Variants in AGBL1 observed in about 807,000 individuals in gnomAD.
AGBL1 encodes the protein cytosolic carboxypeptidase 4.
A neutral mutation model predicts 118.9 loss-of-function variants in AGBL1; 130 were observed. The observed-to-expected ratio is 1.09, with a 90% CI of 0.95 to 1.26. AGBL1 has a LOEUF of 1.26. AGBL1 is among the 50% of genes most tolerant of loss of function. The pLI, the probability that AGBL1 is intolerant of heterozygous loss-of-function variation, is 0.00. For synonymous variants in AGBL1, 555 were observed against 478.9 expected (o/e 1.16, Z -2.08); for missense variants, 1,584 against 1,298.1 (o/e 1.22, Z -3.38).
At chr15:86,951,260 A>G (rs1472015118) in intron 23 of AGBL1, among the ~76,000 whole-genome samples, 2 of 152,200 alleles carry the variant, frequency 1.3e-5, no homozygotes, top group Non-Finnish European at 2.9e-5. Flanking sequence ...ACCACCTGAT[A>G]AATATGTTGG....
intron 17 of AGBL1, among the ~76,000 whole-genome samples, chr15:86,356,190 A>G (rs1442472616): frequency 6.6e-6 from 1 of 152,174 alleles, no homozygotes; most frequent in African/African-American, 2.4e-5. Flanking sequence ...ATGGAAATGG[A>G]AGTGAGAAAT....
chr15:86,417,116 T>C (rs560303759), intron 18 of AGBL1, among the ~76,000 whole-genome samples: 1 of 152,352 alleles, frequency 6.6e-6, no homozygotes, highest in Non-Finnish European at 1.5e-5. Context: ...TGTGGCCAAA[T>C]AGCCTGTGCT....
At chr15:86,260,673 G>A (rs748190325) in intron 9 of AGBL1, among the ~76,000 whole-genome samples, 1 of 152,186 alleles carries the variant, frequency 6.6e-6, no homozygotes, top group African/African-American at 2.4e-5. Context: ...TCACAGTCTA[G>A]TGGACTTGGA....
intron 19 of AGBL1, among the ~76,000 whole-genome samples, chr15:86,528,411 A>G (rs2083298298): frequency 6.6e-6 from 1 of 152,114 alleles, no homozygotes; most frequent in Admixed American, 6.5e-5. Flanking sequence ...TGCTTAAAAA[A>G]CGGCGCACCA....
At chr15:87,029,970 G>T (rs1409130165), downstream of AGBL1, among the ~76,000 whole-genome samples, 1 of 151,646 alleles carries the variant, frequency 6.6e-6, no homozygotes, top group Non-Finnish European at 1.5e-5. Context: ...GAATAATGAA[G>T]TAAAAGTGAA....
At chr15:86,290,046 T>G (rs984238414) in intron 16 of AGBL1, among the ~76,000 whole-genome samples, 2 of 152,212 alleles carry the variant, frequency 1.3e-5, no homozygotes, top group African/African-American at 4.8e-5. Context: ...AAGAATTAAA[T>G]AATATTACTA....
intron 22 of AGBL1, among the ~76,000 whole-genome samples, chr15:86,729,080 C>T (rs566459184): frequency 6.6e-6 from 1 of 152,268 alleles, no homozygotes; most frequent in East Asian, 1.9e-4. Flanking sequence ...AAGCTCCCTC[C>T]AATAGAGTCT....
intron 18 of AGBL1, among the ~76,000 whole-genome samples, chr15:86,459,787 A>C (rs1201383021): frequency 6.6e-6 from 1 of 152,116 alleles, no homozygotes; most frequent in African/African-American, 2.4e-5. Context: ...GTCCTACCGC[A>C]TTCTGCCCTT....
At chr15:86,786,192 G>A (rs1468247589) in intron 22 of AGBL1, among the ~76,000 whole-genome samples, 1 of 152,002 alleles carries the variant, frequency 6.6e-6, no homozygotes. Context: ...TGCCATGCTG[G>A]TGTGCTGCAC....
Position 86,223,636 on chromosome 15 carries a change from C to T in AGBL1, c.489-1278C>T, listed in dbSNP as rs138058708. ...GTAGTCCATCCATGAAAGCTAGCCTCGCCCTCTTTTAACTGCCCTATGGTC... is the reference window on the plus strand; with the variant it reads ...GTAGTCCATCCATGAAAGCTAGCCTTGCCCTCTTTTAACTGCCCTATGGTC... On this transcript the variant is annotated intron_variant, in intron 5 of 22. Transcript: ENST00000614907. Among the ~76,000 whole-genome samples the T allele has an allele frequency of 6.0e-4, 92 of 152,272 alleles. 2 individuals are homozygous for T. The East Asian group carries it at 0.015, about 25-fold the overall frequency.
At chr15:86,499,571 A>C (rs2082894443) in intron 18 of AGBL1, among the ~76,000 whole-genome samples, 1 of 151,880 alleles carries the variant, frequency 6.6e-6, no homozygotes, top group Non-Finnish European at 1.5e-5. Context: ...GTCTGAAAGG[A>C]GGATTGTACA....
At chr15:86,776,792 G>C (rs905341516) in intron 22 of AGBL1, among the ~76,000 whole-genome samples, 3 of 145,938 alleles carry the variant, frequency 2.1e-5, no homozygotes, top group Non-Finnish European at 4.5e-5. Flanking sequence ...GTGTGTGTGA[G>C]AGAGAGAGAG....
At chr15:86,346,335 T>A (rs1240974509) in intron 17 of AGBL1, among the ~76,000 whole-genome samples, 1 of 151,164 alleles carries the variant, frequency 6.6e-6, no homozygotes, top group African/African-American at 2.4e-5. Flanking sequence ...AAGCTCATTC[T>A]TTCTTTTCTT....
At chr15:86,979,302 G>C (rs1034104142) in intron 23 of AGBL1, among the ~76,000 whole-genome samples, 1 of 152,098 alleles carries the variant, frequency 6.6e-6, no homozygotes, top group African/African-American at 2.4e-5. Context: ...AAATTCGAGT[G>C]CACCTTATTT....
intron 22 of AGBL1, among the ~76,000 whole-genome samples, chr15:86,697,268 A>G (rs903443994): frequency 6.6e-6 from 1 of 151,616 alleles, no homozygotes; most frequent in African/African-American, 2.4e-5. Flanking sequence ...CATAATCCCA[A>G]ACTTCTTGGA....
In AGBL1 at chr15:86,813,081, G is replaced by T. The variant is rs142638866; in HGVS notation, c.3159-94006G>T. 3.5e-3 allele frequency among the ~76,000 whole-genome samples: 538 copies of T among 152,144 alleles called. 19 individuals carry two copies. Among genetic ancestry groups the T allele is most frequent in the Non-Finnish European group, 7.8e-4 (53 of 68,018 alleles). ...GGAGAGCAGGTAGCTGTTGGGAGAT[G>T]AAAGAAGGAAGGAAGATATTCTGGG... On this transcript the variant is annotated intron_variant, in intron 22 of 22. Coordinates refer to ENST00000614907, the MANE Select transcript of AGBL1 (RefSeq NM_001386094.1).
intron 22 of AGBL1, among the ~76,000 whole-genome samples, chr15:86,875,659 C>G (rs547707093): frequency 6.6e-6 from 1 of 152,264 alleles, no homozygotes; most frequent in South Asian, 2.1e-4. Context: ...ATATTGAACC[C>G]CTGGCTTTCC....
At chr15:87,030,339 C>T (rs771251660), downstream of AGBL1, among the ~76,000 whole-genome samples, 9 of 151,908 alleles carry the variant, frequency 5.9e-5, no homozygotes, top group East Asian at 3.9e-4. Context: ...TATTTAAATA[C>T]CCAATCGTTT....
At chr15:86,298,357 CT>C in intron 17 of AGBL1, among the ~76,000 whole-genome samples, 1 of 99,162 alleles carries the variant, frequency 1.0e-5, no homozygotes, top group African/African-American at 4.2e-5. Flanking sequence ...TGAATATATT[CT>C]TATATATATA....
Sources: allele counts gnomAD v4.1 joint callset (sites outside exome capture counted in the v4.1 genomes callset), GRCh38; gene constraint gnomAD v4.1.1; transcripts MANE v1.5; gene names NCBI Gene and HGNC (gene_info 2026-07-23, HGNC 2026-07-21).